Variants in USP51 observed in about 807,000 individuals in gnomAD.
The protein encoded by USP51 is ubiquitin specific peptidase 51, also known as ubiquitin carboxyl-terminal hydrolase 51.
A neutral mutation model predicts 17.6 loss-of-function variants in USP51; 5 were observed. The observed-to-expected ratio is 0.28, with a 90% CI of 0.15 to 0.60. USP51 has a LOEUF of 0.60. Ranked by LOEUF, USP51 falls within the 20% of genes least tolerant of loss-of-function variation. The pLI is 0.88. For synonymous variants in USP51, 248 were observed against 216.1 expected, an observed-to-expected ratio of 1.15 and a Z score of -1.29; for missense variants, 459 against 559.5, an observed-to-expected ratio of 0.82 and a Z score of 1.81.
Position 55,488,222 on chromosome X carries a change from T to C in USP51, c.718A>G (p.Ser240Gly). 6.6e-6 allele frequency: 8 copies of C among 1,212,060 alleles called. No individual in the cohort carries two copies. Among genetic ancestry groups the C allele is most frequent in the Non-Finnish European group, 7.8e-6 (7 of 895,566 alleles). Residue 240 changes from serine to glycine, a missense_variant, in exon 3 of 3, where the codon AGT (serine) becomes GGT (glycine). By Grantham distance (56) the Ser-to-Gly change is moderately conservative. Transcript: ENST00000500968. ...KAKSCICHVCSTHMNRLHSCL... is the reference protein window; with the variant it reads ...KAKSCICHVCGTHMNRLHSCL... ...GAGTGGAGTCTGTTCATATGGGTAC[T>C]ACATACGTGACAGATGCATGACTTT... is the stretch of plus-strand genomic sequence containing the variant.
chrX:55,486,727 T>C lies in USP51; in HGVS notation c.*77A>G, dbSNP rs938089992. On this transcript the variant is annotated 3_prime_UTR_variant, in exon 3 of 3. Transcript: ENST00000500968. ...ACATAGGTGTTACTGTCATTGTCCA[T>C]TCCAAGTAGGTCTGTGTGTCACTTC... 4 of 1,129,231 alleles carry C rather than the reference T, an allele frequency of 3.5e-6. No individual in the cohort carries two copies. In the African/African-American group the frequency reaches 7.3e-5, roughly 21 times the overall value. The allele number at this position is 1,129,231 out of a possible 1,213,427, so 93.1% of individuals were successfully genotyped here.
rs2031368856 is a variant in USP51 at position 55,488,655 on chromosome X, G to C, written c.285C>G (p.Ser95=). ...PSIPLRCHSS[S]SPVCPRRKPR... The stretch of plus-strand genomic sequence containing the variant: ...GCTTGCGGCGCGGGCAAACGGGCGA[G>C]GAGCTGCTGTGACAGCGAAGGGGGA... Residue 95 remains serine, a synonymous_variant, in exon 3 of 3, where the codon TCC becomes TCG. Coordinates refer to ENST00000500968, the MANE Select transcript of USP51 (RefSeq NM_201286.4). 3 of 1,187,102 alleles carry C rather than the reference G, an allele frequency of 2.5e-6. No individual in the cohort carries two copies. The African/African-American group carries it at 5.3e-5, about 21-fold the overall frequency.
intron 2 of USP51, 75 bp downstream of exon 2, chrX:55,489,094 A>C: frequency 1.3e-6 from 1 of 782,285 alleles, no homozygotes; most frequent in Non-Finnish European, 1.8e-6. Context: ...CCTTGAGCTC[A>C]GCCCGCGGCT....
In USP51 at chrX:55,488,911, G is replaced by A. The variant is rs774014667; in HGVS notation, c.29C>T (p.Pro10Leu). 34 of 1,205,964 alleles carry A rather than the reference G, an allele frequency of 2.8e-5. No individual in the cohort carries two copies. The highest frequency in any genetic ancestry group is 3.6e-5 in the Non-Finnish European group (32 of 893,353). Residue 10 changes from proline (P) to leucine (L), a missense_variant, in exon 3 of 3, where the codon CCC becomes CTC. Physicochemically the swap from Pro to Leu is moderately conservative, Grantham distance 98. This residue lies in a region of USP51 where 232 missense variants were observed against 194.0 expected (regional missense o/e 1.20). Coordinates refer to ENST00000500968, the MANE Select transcript of USP51 (RefSeq NM_201286.4). ...GATCCAGCGGACCCCAGAGCCGGAG[G>A]GCAAAGAAGTTTCTCGAACCTGGGC... MAQVRETSLPSGSGVRWISG... is the reference protein window; with the variant it reads MAQVRETSLLSGSGVRWISG...
Sources: gnomAD v4.1 joint callset for allele counts on GRCh38, gnomAD v4.1.1 for gene constraint, gnomAD v4.1.1 regional missense constraint, MANE v1.5 for transcripts, NCBI Gene and HGNC (gene_info 2026-07-23, HGNC 2026-07-21) for gene names.